Variants in ARHGAP26 observed in about 807,000 individuals in gnomAD.
ARHGAP26 encodes Rho GTPase activating protein 26.
ARHGAP26 carries 38 observed loss-of-function variants against 104.8 expected under a neutral mutation model. The observed-to-expected ratio is 0.36, with a 90% confidence interval of 0.28 to 0.48. The LOEUF (loss-of-function observed/expected upper bound fraction) is 0.48. Ranked by LOEUF, ARHGAP26 falls within the 20% of genes least tolerant of loss-of-function variation. The pLI is 0.99. For missense variants in ARHGAP26, 704 were observed against 947.9 expected (o/e 0.74, Z 3.38); for synonymous variants, 341 against 340.0 (o/e 1.00, Z -0.03).
intron 11 of ARHGAP26, among the ~76,000 whole-genome samples, chr5:142,973,221 A>AG (rs1772540048): frequency 6.6e-6 from 1 of 152,202 alleles, no homozygotes; most frequent in South Asian, 2.1e-4. Context: ...AGAGATCGTT[A>AG]AAAAGGCATT....
At chr5:142,920,363 A>G (rs931091636) in intron 10 of ARHGAP26, among the ~76,000 whole-genome samples, 1 of 152,242 alleles carries the variant, frequency 6.6e-6, no homozygotes, top group African/African-American at 2.4e-5. Flanking sequence ...CTAAAGAATC[A>G]TGGTACTAGT....
At position 143,223,687 on chromosome 5, in the gene ARHGAP26, C is replaced by T. The variant is rs746010715; in HGVS notation, c.*1241C>T. The T allele has an allele frequency of 5.8e-4, 135 of 231,066 alleles. No homozygotes were observed. The highest frequency in any genetic ancestry group is 5.7e-4 in the Non-Finnish European group (66 of 116,474). 14.3% of individuals were successfully genotyped at this position (231,066 alleles called of 1,614,324 possible). On this transcript the variant is annotated 3_prime_UTR_variant, in exon 23 of 23. Coordinates refer to ENST00000645722, the MANE Select transcript of ARHGAP26 (RefSeq NM_001135608.3). The stretch of plus-strand genomic sequence containing the variant: ...TAGTTTAAAAGCACATCTATGTTCA[C>T]TGCCACTCTGAAAAAGGGAATTATT...
chr5:143,101,886 T>TA (rs1261005340), intron 17 of ARHGAP26, among the ~76,000 whole-genome samples: 4 of 151,894 alleles, frequency 2.6e-5, no homozygotes, highest in Non-Finnish European at 4.4e-5. Context: ...CATAATGGCT[T>TA]AGAGTGTGCC....
At chr5:142,933,045 ATAAT>A (rs1178935894) in intron 11 of ARHGAP26, among the ~76,000 whole-genome samples, 2 of 152,254 alleles carry the variant, frequency 1.3e-5, no homozygotes, top group Admixed American at 1.3e-4. Context: ...TTGCTAAACT[ATAAT>A]TAAGCATTGT....
intron 20 of ARHGAP26, among the ~76,000 whole-genome samples, chr5:143,195,827 A>G (rs959464661): frequency 6.6e-5 from 10 of 151,248 alleles, no homozygotes; most frequent in African/African-American, 1.7e-4. Context: ...TTTTTTTGTA[A>G]TATTTATTAA....
intron 20 of ARHGAP26, among the ~76,000 whole-genome samples, chr5:143,160,060 CTTTTTTT>C (rs200678768): frequency 7.5e-6 from 1 of 133,986 alleles, no homozygotes; most frequent in African/African-American, 2.8e-5. Context: ...AAAGATTTTT[CTTTTTTT>C]TTTTTTTTTT....
chr5:143,016,433 G>A lies in ARHGAP26; in HGVS notation c.1144+2317G>A, dbSNP rs115137146. ...AAAAATTGGTCACTTTTGCCAGCAC[G>A]GTGGCTCACGCCTGTAATCCCAGCA... On this transcript the variant is annotated intron_variant, in intron 12 of 22. Coordinates refer to ENST00000645722, the MANE Select transcript of ARHGAP26 (RefSeq NM_001135608.3). Among the ~76,000 whole-genome samples the A allele has an allele frequency of 5.0e-3, 766 of 152,210 alleles. 4 individuals carry two copies. The highest frequency in any genetic ancestry group is 0.018 in the African/African-American group (727 of 41,536).
intron 11 of ARHGAP26, among the ~76,000 whole-genome samples, chr5:142,998,604 A>G (rs1046605836): frequency 5.9e-5 from 9 of 152,214 alleles, no homozygotes; most frequent in Admixed American, 5.9e-4. Context: ...TGATGTGAAC[A>G]TACTAACAAC....
intron 17 of ARHGAP26, among the ~76,000 whole-genome samples, chr5:143,079,733 G>A (rs1254520837): frequency 2.6e-5 from 4 of 152,184 alleles, no homozygotes; most frequent in Admixed American, 1.3e-4. Context: ...CTGTGGACTC[G>A]TTTCCCTATA....
At chr5:143,130,643 A>T (rs1797224770) in intron 18 of ARHGAP26, among the ~76,000 whole-genome samples, 1 of 152,224 alleles carries the variant, frequency 6.6e-6, no homozygotes, top group Non-Finnish European at 1.5e-5. Flanking sequence ...ATAGGATTGG[A>T]ATAACCAACA....
intron 11 of ARHGAP26, among the ~76,000 whole-genome samples, chr5:142,964,731 A>G (rs1048168434): frequency 6.6e-6 from 1 of 152,192 alleles, no homozygotes; most frequent in Non-Finnish European, 1.5e-5. Flanking sequence ...CCTGACATGC[A>G]TTTCTGGATC....
intron 20 of ARHGAP26, among the ~76,000 whole-genome samples, chr5:143,182,820 A>G (rs1307501334): frequency 6.6e-6 from 1 of 152,218 alleles, no homozygotes; most frequent in East Asian, 1.9e-4. Context: ...ATCAAGCCCC[A>G]TGTAAATAGT....
chr5:143,011,126 T>C (rs1778657506), intron 11 of ARHGAP26, among the ~76,000 whole-genome samples: 1 of 152,140 alleles, frequency 6.6e-6, no homozygotes, highest in Admixed American at 6.5e-5. Flanking sequence ...TGATTGCTAA[T>C]CACACTGGCC....
At chr5:143,180,144 G>C (rs1324086074) in intron 20 of ARHGAP26, among the ~76,000 whole-genome samples, 1 of 151,650 alleles carries the variant, frequency 6.6e-6, no homozygotes, top group Non-Finnish European at 1.5e-5. Context: ...GTTTTGTTTT[G>C]AGATGGAGTT....
intron 3 of ARHGAP26, among the ~76,000 whole-genome samples, chr5:142,875,473 G>A (rs529207979): frequency 1.1e-4 from 16 of 152,054 alleles, no homozygotes; most frequent in African/African-American, 3.1e-4. Flanking sequence ...TTTGGGCGTC[G>A]GATTCTCTAC....
chr5:142,862,024 T>C (rs1425750511), intron 1 of ARHGAP26, among the ~76,000 whole-genome samples: 1 of 152,254 alleles, frequency 6.6e-6, no homozygotes, highest in East Asian at 1.9e-4. Context: ...ACTTTCCGAA[T>C]TCACAACTGT....
chr5:143,206,689 G>C (rs892946817), intron 20 of ARHGAP26, among the ~76,000 whole-genome samples: 2 of 152,176 alleles, frequency 1.3e-5, no homozygotes, highest in Admixed American at 6.5e-5. Flanking sequence ...CAGATCTCCA[G>C]TGGCACACAG....
chr5:142,978,256 C>T (rs967669864), intron 11 of ARHGAP26, among the ~76,000 whole-genome samples: 5 of 152,192 alleles, frequency 3.3e-5, no homozygotes, highest in Admixed American at 6.5e-5. Context: ...CCTCTTTCCT[C>T]AATAGCAGTG....
intron 20 of ARHGAP26, among the ~76,000 whole-genome samples, chr5:143,192,967 A>C (rs1299255571): frequency 6.6e-6 from 1 of 152,166 alleles, no homozygotes; most frequent in Non-Finnish European, 1.5e-5. Flanking sequence ...CTCCTCATCT[A>C]CGGTTTTGCT....
Sources: gnomAD v4.1 joint callset for allele counts (sites outside exome capture counted in the v4.1 genomes callset) on GRCh38, gnomAD v4.1.1 for gene constraint, MANE v1.5 for transcripts, NCBI Gene and HGNC (gene_info 2026-07-23, HGNC 2026-07-21) for gene names.